The following STRAP variants were observed in gnomAD, a reference collection of about 807,000 sequenced individuals.
STRAP encodes serine-threonine kinase receptor-associated protein.
In STRAP, 16 loss-of-function variants were observed where a neutral mutation model predicts 47.0. That is an observed-to-expected ratio of 0.34 (90% confidence interval 0.23 to 0.52). STRAP has a LOEUF of 0.52. Among genes scored for constraint, STRAP ranks in the 20% least tolerant of loss-of-function variants. STRAP has a pLI of 0.96. For synonymous variants in STRAP, 130 were observed against 142.7 expected, an observed-to-expected ratio of 0.91 and a Z score of 0.63; for missense variants, 293 against 420.0, an observed-to-expected ratio of 0.70 and a Z score of 2.64.
intron 6 of STRAP, among the ~76,000 whole-genome samples, chr12:15,897,662 G>A (rs1591988840): frequency 6.6e-6 from 1 of 150,530 alleles, no homozygotes; most frequent in East Asian, 1.9e-4. Context: ...CCTCCATCAA[G>A]ATGTCTTTGT....
At chr12:15,886,469 A>G (rs557427698) in intron 2 of STRAP, among the ~76,000 whole-genome samples, 1 of 152,320 alleles carries the variant, frequency 6.6e-6, no homozygotes, top group African/African-American at 2.4e-5. Flanking sequence ...CGGCTTTCAT[A>G]TCTGTAAAAT....
At position 15,895,308 on chromosome 12, in the gene STRAP, A is replaced by C. The variant is rs1169697408; in HGVS notation, c.501-51A>C. On this transcript the variant is annotated intron_variant, in intron 5 of 9. Transcript: ENST00000419869. ...ATCTGCAGATGTAATTAGAATTTATAAACTTTTTTCTTACATGAGTAAACA... is the reference window on the plus strand; with the variant it reads ...ATCTGCAGATGTAATTAGAATTTATCAACTTTTTTCTTACATGAGTAAACA... 2.9e-6 allele frequency: 4 copies of C among 1,378,966 alleles called. No homozygotes were observed. The African/African-American group carries it at 4.5e-5, about 16-fold the overall frequency. 85.4% of individuals were successfully genotyped at this position (1,378,966 alleles called of 1,614,324 possible). A position where few individuals can be genotyped will look rare whatever the true frequency, so the allele number is the denominator to read the frequency against.
At chr12:15,899,823 CACAG>C (rs920561011) in intron 7 of STRAP, 77 bp from the exon 8 acceptor site, 10 of 1,378,696 alleles carry the variant, frequency 7.3e-6, no homozygotes, top group East Asian at 2.3e-5. Context: ...TCCCCAGTAA[CACAG>C]ACAGTATTTT....
chr12:15,901,217 A>G (rs1948100615), intron 9 of STRAP, among the ~76,000 whole-genome samples: 1 of 152,226 alleles, frequency 6.6e-6, no homozygotes, highest in Non-Finnish European at 1.5e-5. Context: ...AGGCACAGAG[A>G]TGTAGTATGG....
chr12:15,900,076 A>G (rs1387182275), intron 8 of STRAP, 23 bp downstream of exon 8: 1 of 1,588,948 alleles, frequency 6.3e-7, no homozygotes, highest in Admixed American at 1.8e-5. Context: ...ATTCAGAATA[A>G]TAAAATTTTT....
chr12:15,900,938 T>G lies in STRAP; in HGVS notation c.926-9T>G, dbSNP rs1319693842. 1.3e-6 allele frequency: 2 copies of G among 1,577,274 alleles called. No homozygotes were observed. Among genetic ancestry groups the G allele is most frequent in the Non-Finnish European group, 1.7e-6 (2 of 1,164,466 alleles). ...AGTCATATAATCGTCATTGCTTTTC[T>G]TTTTACAGAAGAAGATAGTGGTGAG... On this transcript the variant is annotated splice_polypyrimidine_tract_variant and intron_variant, in intron 8 of 9. Coordinates refer to ENST00000419869, the MANE Select transcript of STRAP (RefSeq NM_007178.4).
intron 2 of STRAP, among the ~76,000 whole-genome samples, chr12:15,886,062 A>ATT (rs112582152): frequency 3.4e-4 from 51 of 151,492 alleles, no homozygotes; most frequent in African/African-American, 1.2e-3. Flanking sequence ...GATTTTTGTG[A>ATT]TTTTTTTTTC....
At chr12:15,883,398 G>T in intron 1 of STRAP, 143 bp from the exon 2 acceptor site, 1 of 906,686 alleles carries the variant, frequency 1.1e-6, no homozygotes, top group Non-Finnish European at 1.6e-6. Flanking sequence ...ACATTCCTTA[G>T]TGCCTTCAGT....
chr12:15,897,830 G>A (rs964213648), intron 6 of STRAP, 52 bp from the exon 7 acceptor site: 19 of 1,296,736 alleles, frequency 1.5e-5, no homozygotes, highest in African/African-American at 1.1e-4. Flanking sequence ...AATGTAACTC[G>A]TTATTTATAC....
At chr12:15,901,834 T>A (rs1202268489) in intron 9 of STRAP, among the ~76,000 whole-genome samples, 2 of 143,948 alleles carry the variant, frequency 1.4e-5, no homozygotes, top group South Asian at 2.3e-4. Flanking sequence ...GCACTCCAGC[T>A]TGGGTGTCAG....
rs1333108961 is a variant in STRAP, at chr12:15,894,162, A to G, written c.500+19A>G. The G allele has an allele frequency of 6.3e-6, 10 of 1,597,500 alleles. No individual in the cohort carries two copies. The highest frequency in any genetic ancestry group is 2.1e-4 in the Middle Eastern group (1 of 4,722). ...CTGTTCGGTAAGTAATTTTTCTTTAATAATTTACAATTTAAGGCCGGGCAT... is the reference window on the plus strand; with the variant it reads ...CTGTTCGGTAAGTAATTTTTCTTTAGTAATTTACAATTTAAGGCCGGGCAT... On this transcript the variant is annotated intron_variant, in intron 5 of 9. Coordinates refer to ENST00000419869, the MANE Select transcript of STRAP (RefSeq NM_007178.4). The surrounding 1 kb of genome is among the most constrained non-coding windows in gnomAD (Gnocchi z 4.9).
At chr12:15,901,692 C>T (rs1020280957) in intron 9 of STRAP, among the ~76,000 whole-genome samples, 1 of 151,850 alleles carries the variant, frequency 6.6e-6, no homozygotes, top group Admixed American at 6.6e-5. Flanking sequence ...GAAACCCTGT[C>T]TCTACTAAAA....
intron 2 of STRAP, among the ~76,000 whole-genome samples, chr12:15,885,339 C>T (rs1947961443): frequency 1.3e-5 from 2 of 151,834 alleles, no homozygotes; most frequent in African/African-American, 4.8e-5. Flanking sequence ...CAGGTGCACG[C>T]CACCACGCCT....
chr12:15,890,754 A>C lies in STRAP; in HGVS notation c.403+85A>C. On this transcript the variant is annotated intron_variant, in intron 4 of 9. Coordinates refer to ENST00000419869, the MANE Select transcript of STRAP (RefSeq NM_007178.4). The surrounding 1 kb of genome is among the most constrained non-coding windows in gnomAD (Gnocchi z 4.5). ...TAAAGAATTTCATGCTCAGTACTCA[A>C]ATTTGGAAAATAAAGATAGTCATGG... 8.0e-7 allele frequency: 1 copy of C among 1,244,584 alleles called. No homozygotes were observed. Among genetic ancestry groups the C allele is most frequent in the Non-Finnish European group, 1.1e-6 (1 of 882,044 alleles). The allele number at this position is 1,244,584 out of a possible 1,614,324, so 77.1% of individuals were successfully genotyped here. A position where few individuals can be genotyped will look rare whatever the true frequency, so the allele number is the denominator to read the frequency against.
intron 2 of STRAP, among the ~76,000 whole-genome samples, chr12:15,889,295 TAGTC>T (rs1481627776): frequency 1.3e-5 from 2 of 152,148 alleles, no homozygotes; most frequent in African/African-American, 4.8e-5. Flanking sequence ...AAGATTAAAA[TAGTC>T]AGTGTTAGCA....
rs1948063822 is a variant in STRAP at position 15,896,825 on chromosome 12, T to G, written c.639-1057T>G. Among the ~76,000 whole-genome samples the G allele has an allele frequency of 6.6e-6, 1 of 152,236 alleles. No individual in the cohort carries two copies. Among genetic ancestry groups the G allele is most frequent in the Non-Finnish European group, 1.5e-5 (1 of 68,052 alleles). ...TTCTTAGTTATACATGACACTTAAT[T>G]GATTTCCATAAGGATTATACCACAT... On this transcript the variant is annotated intron_variant, in intron 6 of 9. Transcript: ENST00000419869. This position sits in a 1 kb window ranked among gnomAD's most constrained non-coding sequence, Gnocchi z 4.1.
chr12:15,900,990 A>G lies in STRAP; in HGVS notation c.969A>G (p.Pro323=). The change falls in exon 9 of 10, where the codon CCA becomes CCG. Residue 323 remains proline (P), a synonymous_variant. Transcript: ENST00000419869. ...TGGCAAAGCCAAAGATTGGTTTTCC[A>G]GAGACAACAGAAGAGGAGCTAGGTA... ...GELAKPKIGF[P]ETTEEELEEI... 1 of 1,598,216 alleles carries G rather than the reference A, an allele frequency of 6.3e-7. No homozygotes were observed. The highest frequency in any genetic ancestry group is 1.1e-5 in the South Asian group (1 of 87,990).
At position 15,895,416 on chromosome 12, in the gene STRAP, T is replaced by C; in HGVS notation, c.558T>C (p.Val186=). The C allele has an allele frequency of 6.2e-7, 1 of 1,605,052 alleles. No homozygotes were observed. Among genetic ancestry groups the C allele is most frequent in the Non-Finnish European group, 8.5e-7 (1 of 1,177,518 alleles). Residue 186 remains valine, a synonymous_variant, in exon 6 of 10, where the codon GTT becomes GTC. Transcript: ENST00000419869. ...AATCTCTAAATTTTAATATGTCTGTTAGTAGTATGGAATATATTCCTGAGG... is the reference window on the plus strand; with the variant it reads ...AATCTCTAAATTTTAATATGTCTGTCAGTAGTATGGAATATATTCCTGAGG... ...EVKSLNFNMS[V]SSMEYIPEGE...
rs200245531 is a variant in STRAP, at chr12:15,883,583, T to C, written c.155T>C (p.Ile52Thr). ...CGCCAGGGAGATACAGGAGACTGGA[T>C]TGGAACATTTTTGGGTCATAAAGGT... is the stretch of plus-strand genomic sequence containing the variant. ...MLRQGDTGDW[I>T]GTFLGHKGAV... The change falls in exon 2 of 10, where the codon ATT becomes ACT. Residue 52 changes from isoleucine (I) to threonine (T), a missense_variant. Physicochemically the swap from Ile to Thr is moderately conservative, Grantham distance 89. Coordinates refer to ENST00000419869, the MANE Select transcript of STRAP (RefSeq NM_007178.4). The C allele has an allele frequency of 5.6e-6, 9 of 1,614,066 alleles. No individual in the cohort carries two copies. In the East Asian group the frequency reaches 1.6e-4, roughly 28 times the overall value.
Sources: gnomAD v4.1 joint callset for allele counts (sites outside exome capture counted in the v4.1 genomes callset) on GRCh38, gnomAD v4.1.1 for gene constraint, Gnocchi (gnomAD v3.1) non-coding constraint, MANE v1.5 for transcripts, NCBI Gene and HGNC (gene_info 2026-07-23, HGNC 2026-07-21) for gene names.